The following CNTN6 variants were observed in gnomAD, a reference collection of about 807,000 sequenced individuals.
CNTN6 encodes contactin-6.
Under a neutral mutation model 122.8 loss-of-function variants are expected in CNTN6, and 137 were observed. That is an observed-to-expected ratio of 1.12 (90% CI 0.97 to 1.29). The LOEUF is 1.29. Ranked by LOEUF, CNTN6 falls within the 50% of genes most tolerant of loss-of-function variation. The probability of loss-of-function intolerance (pLI) is 0.00; values close to 1 mark genes in which losing one functional copy is unlikely to be tolerated. For synonymous variants in CNTN6, 570 were observed against 426.0 expected, an observed-to-expected ratio of 1.34 and a Z score of -4.16; for missense variants, 1,634 against 1,223.4, an observed-to-expected ratio of 1.34 and a Z score of -5.01.
chr3:1,396,596 C>G (rs1695016242), intron 20 of CNTN6, among the ~76,000 whole-genome samples: 1 of 152,186 alleles, frequency 6.6e-6, no homozygotes, highest in African/African-American at 2.4e-5. Flanking sequence ...CAAGGTGACC[C>G]AGAGGCTGTC....
At chr3:1,389,438 G>A (rs1262019209) in intron 20 of CNTN6, among the ~76,000 whole-genome samples, 1 of 151,982 alleles carries the variant, frequency 6.6e-6, no homozygotes, top group Non-Finnish European at 1.5e-5. Context: ...GGAACAACCG[G>A]TACCAGCCGC....
At chr3:1,110,848 C>G (rs1454442633) in intron 1 of CNTN6, among the ~76,000 whole-genome samples, 1 of 152,148 alleles carries the variant, frequency 6.6e-6, no homozygotes. Context: ...AGCAGGGACT[C>G]TTAGTCCGAT....
rs78277810 is a variant in CNTN6, at chr3:1,209,500, C to T, written c.56-11187C>T. On this transcript the variant is annotated intron_variant, in intron 2 of 22. Transcript: ENST00000446702. ...AGCTTTGCATCTTGTGAAGTGAGTG[C>T]TGATTTCAAGTATGGCTTGAATCTA... is the stretch of plus-strand genomic sequence containing the variant. 3.8e-3 allele frequency among the ~76,000 whole-genome samples: 575 copies of T among 152,292 alleles called. 1 individual carries two copies. The highest frequency in any genetic ancestry group is 0.013 in the African/African-American group (554 of 41,570).
At chr3:1,313,544 G>A (rs1357420240) in intron 7 of CNTN6, among the ~76,000 whole-genome samples, 1 of 152,066 alleles carries the variant, frequency 6.6e-6, no homozygotes, top group African/African-American at 2.4e-5. Flanking sequence ...TCTCAGAGAG[G>A]TTAGGTAACT....
In CNTN6 at chr3:1,352,248, T is replaced by G. The variant is rs1403099796; in HGVS notation, c.1365-76T>G. The G allele has an allele frequency of 6.1e-6, 8 of 1,311,018 alleles. No homozygotes were observed. The Admixed American group carries it at 2.2e-4, about 35-fold the overall frequency. The allele number at this position is 1,311,018 out of a possible 1,614,324, so 81.2% of individuals were successfully genotyped here. A position where few individuals can be genotyped will look rare whatever the true frequency, so the allele number is the denominator to read the frequency against. ...TACACCCATGATTTTAGTAAAGTTTTAAAATAAAAATAAGCACTTATGATT... is the reference window on the plus strand; with the variant it reads ...TACACCCATGATTTTAGTAAAGTTTGAAAATAAAAATAAGCACTTATGATT... On this transcript the variant is annotated intron_variant, in intron 11 of 22. Coordinates refer to ENST00000446702, the MANE Select transcript of CNTN6 (RefSeq NM_001289080.2).
At position 1,102,963 on chromosome 3, in the gene CNTN6, C is replaced by T. The variant is rs542016564; in HGVS notation, c.-83+9843C>T. ...TCTACCAAAAATACAAGAAATTAGC[C>T]GGGCGTGGTGGCGGCGCCTGTGGTC... On this transcript the variant is annotated intron_variant, in intron 1 of 22. Coordinates refer to ENST00000446702, the MANE Select transcript of CNTN6 (RefSeq NM_001289080.2). Among the ~76,000 whole-genome samples the T allele has an allele frequency of 1.3e-4, 20 of 149,344 alleles. No individual in the cohort carries two copies. The East Asian group carries it at 2.6e-3, about 19-fold the overall frequency.
intron 10 of CNTN6, among the ~76,000 whole-genome samples, chr3:1,328,709 G>A (rs1266713559): frequency 6.6e-6 from 1 of 151,694 alleles, no homozygotes; most frequent in African/African-American, 2.4e-5. Context: ...CATCAGTAAG[G>A]TGAAGGGTAG....
At chr3:1,182,640 C>T (rs1362878902) in intron 2 of CNTN6, among the ~76,000 whole-genome samples, 1 of 151,490 alleles carries the variant, frequency 6.6e-6, no homozygotes, top group East Asian at 1.9e-4. Flanking sequence ...AAATGTAACT[C>T]ATATACAAAG....
intron 1 of CNTN6, among the ~76,000 whole-genome samples, chr3:1,097,627 G>A (rs1036124963): frequency 6.6e-6 from 1 of 152,072 alleles, no homozygotes; most frequent in Non-Finnish European, 1.5e-5. Context: ...TGTGGTCTTA[G>A]GCAAGTTTCT....
intron 5 of CNTN6, among the ~76,000 whole-genome samples, chr3:1,291,084 A>C (rs1468932917): frequency 6.6e-6 from 1 of 152,006 alleles, no homozygotes; most frequent in Non-Finnish European, 1.5e-5. Flanking sequence ...AAGAGCAAAG[A>C]TCTGGCATCT....
At chr3:1,240,999 A>G (rs2094475926) in intron 4 of CNTN6, among the ~76,000 whole-genome samples, 1 of 151,986 alleles carries the variant, frequency 6.6e-6, no homozygotes, top group Non-Finnish European at 1.5e-5. Context: ...GGTGGGGAGA[A>G]TTACAAAGAA....
chr3:1,189,075 AC>A lies in CNTN6; in HGVS notation c.56-31611del, dbSNP rs2093665886. Among the ~76,000 whole-genome samples the A allele has an allele frequency of 4.6e-5, 7 of 152,358 alleles. 1 individual carries two copies. Among genetic ancestry groups the A allele is most frequent in the African/African-American group, 1.7e-4 (7 of 41,586 alleles). On this transcript the variant is annotated intron_variant, in intron 2 of 22. Transcript: ENST00000446702. The stretch of plus-strand genomic sequence containing the variant: ...AACAAAACAAAACAAAACAAAAAAA[AC>A]AAGCTCAGCATGATTTGATTGCCAT...
intron 17 of CNTN6, among the ~76,000 whole-genome samples, chr3:1,377,819 G>C (rs868073148): frequency 6.6e-6 from 1 of 151,938 alleles, no homozygotes; most frequent in Non-Finnish European, 1.5e-5. Context: ...TGGTAGGGGA[G>C]GAGAAAGGAA....
rs796239664 is a variant in CNTN6, at chr3:1,245,305, TATA to T, written c.358+17313_358+17315del. ...CACATATATATATAACATATATATA[TATA>T]TATATATATATATATATATATATAT... On this transcript the variant is annotated intron_variant, in intron 4 of 22. Coordinates refer to ENST00000446702, the MANE Select transcript of CNTN6 (RefSeq NM_001289080.2). Among the ~76,000 whole-genome samples the T allele has an allele frequency of 4.7e-4, 5 of 10,612 alleles. 1 individual carries two copies. Among genetic ancestry groups the T allele is most frequent in the African/African-American group, 2.0e-3 (5 of 2,552 alleles). The allele number at this position is 10,612 out of a possible 152,430, so 7.0% of individuals were successfully genotyped here.
rs143177533 is a variant in CNTN6, at chr3:1,360,550, T to C, written c.1492+8099T>C. Among the ~76,000 whole-genome samples the C allele has an allele frequency of 5.4e-4, 82 of 152,250 alleles. 1 individual carries two copies. In the East Asian group the frequency reaches 9.9e-3, roughly 18 times the overall value. On this transcript the variant is annotated intron_variant, in intron 12 of 22. Transcript: ENST00000446702. ...CTATATGTATGTATATAAACATACA[T>C]GTATATTCTATACACATTCTATATA...
chr3:1,124,987 A>C (rs1020177968), intron 1 of CNTN6, among the ~76,000 whole-genome samples: 5 of 151,948 alleles, frequency 3.3e-5, no homozygotes, highest in African/African-American at 1.2e-4. Context: ...TGCCAGTCAC[A>C]AAGTAGTCAT....
intron 4 of CNTN6, among the ~76,000 whole-genome samples, chr3:1,233,734 C>CAAAAAAAAAAAAAAAA (rs1166507455): frequency 1.9e-5 from 1 of 52,168 alleles, no homozygotes; most frequent in African/African-American, 8.6e-5. Flanking sequence ...GACTCTGTCT[C>CAAAAAAAAAAAAAAAA]AAAAAAAAAA....
At chr3:1,278,349 C>G (rs1692787396) in intron 4 of CNTN6, 64 bp from the exon 5 acceptor site, 1 of 1,143,276 alleles carries the variant, frequency 8.7e-7, no homozygotes. Flanking sequence ...TCTTGAGATT[C>G]TTCTTTAAAA....
chr3:1,244,200 T>C (rs2094526754), intron 4 of CNTN6, among the ~76,000 whole-genome samples: 2 of 152,100 alleles, frequency 1.3e-5, no homozygotes. Flanking sequence ...TTTTAAGTTC[T>C]TGAGCACACA....
Sources: allele counts gnomAD v4.1 joint callset (sites outside exome capture counted in the v4.1 genomes callset), GRCh38; gene constraint gnomAD v4.1.1; transcripts MANE v1.5; gene names NCBI Gene and HGNC (gene_info 2026-07-23, HGNC 2026-07-21).